The following USP10 variants were observed in gnomAD, a reference collection of about 807,000 sequenced individuals.
The protein encoded by USP10 is ubiquitin specific peptidase 10.
Under a neutral mutation model 84.5 loss-of-function variants are expected in USP10, and 22 were observed. The observed-to-expected ratio is 0.26, with a 90% CI of 0.19 to 0.37. USP10 has a LOEUF of 0.37. Ranked by LOEUF, USP10 falls within the 10% of genes least tolerant of loss-of-function variation. USP10 has a pLI of 1.00. For synonymous variants in USP10, 454 were observed against 387.6 expected (o/e 1.17, Z -2.01); for missense variants, 1,019 against 998.9 (o/e 1.02, Z -0.27).
At chr16:84,760,065 T>C in intron 7 of USP10, 107 bp from the exon 8 acceptor site, 1 of 1,518,118 alleles carries the variant, frequency 6.6e-7, no homozygotes, top group South Asian at 1.1e-5. Context: ...TATGCCATTC[T>C]CAACATTCAG....
chr16:84,753,438 G>A (rs986545773), intron 4 of USP10, among the ~76,000 whole-genome samples: 1 of 152,050 alleles, frequency 6.6e-6, no homozygotes, highest in African/African-American at 2.4e-5. Flanking sequence ...ATTTTCTAGG[G>A]GGGATTCTGA....
intron 3 of USP10, among the ~76,000 whole-genome samples, chr16:84,743,525 T>C (rs1018243567): frequency 6.6e-6 from 1 of 152,212 alleles, no homozygotes; most frequent in Non-Finnish European, 1.5e-5. Context: ...TCTTTGGGTA[T>C]TAGTTTCTTT....
intron 1 of USP10, among the ~76,000 whole-genome samples, chr16:84,731,770 A>C (rs571897906): frequency 7.0e-6 from 1 of 142,332 alleles, no homozygotes; most frequent in South Asian, 2.2e-4. Flanking sequence ...ATGATCTCTG[A>C]TAGCTCTTTT....
chr16:84,700,438 C>T (rs531920128), intron 1 of USP10, among the ~76,000 whole-genome samples: 2 of 151,894 alleles, frequency 1.3e-5, no homozygotes, highest in Non-Finnish European at 2.9e-5. Flanking sequence ...TGGAGTGGGG[C>T]CCTCCCCGCC....
At chr16:84,774,814 C>G (rs1319778507) in intron 12 of USP10, among the ~76,000 whole-genome samples, 4 of 152,142 alleles carry the variant, frequency 2.6e-5, no homozygotes, top group Non-Finnish European at 5.9e-5. Context: ...AATTTTAATT[C>G]TTGCCTTGGA....
intron 2 of USP10, among the ~76,000 whole-genome samples, chr16:84,735,196 G>GAT (rs1555541026): frequency 0.078 from 11,478 of 146,228 alleles, 556 homozygotes; most frequent in African/African-American, 0.11. Flanking sequence ...AGGCCCGGGT[G>GAT]GTGTGTGTGT....
intron 1 of USP10, among the ~76,000 whole-genome samples, chr16:84,721,668 A>G (rs990049011): frequency 9.2e-5 from 14 of 151,904 alleles, no homozygotes; most frequent in South Asian, 2.1e-4. Context: ...AACTGGGACT[A>G]CAGGCATGTG....
In USP10 at chr16:84,748,946, G is replaced by C. The variant is rs1362196528; in HGVS notation, c.1192+3273G>C. The stretch of plus-strand genomic sequence containing the variant: ...ACAGATTATTTTTTTAATCCTATTT[G>C]GTTAGGTCAGTTATGAAGATGTTTT... On this transcript the variant is annotated intron_variant, in intron 4 of 13. Coordinates refer to ENST00000219473, the MANE Select transcript of USP10 (RefSeq NM_005153.3). Among the ~76,000 whole-genome samples, 4 of 152,216 alleles carry C rather than the reference G, an allele frequency of 2.6e-5. No homozygotes were observed. The East Asian group carries it at 7.7e-4, about 29-fold the overall frequency.
chr16:84,741,582 C>T (rs1371243697), intron 3 of USP10, among the ~76,000 whole-genome samples: 1 of 152,144 alleles, frequency 6.6e-6, no homozygotes, highest in Non-Finnish European at 1.5e-5. Context: ...TTCTGCTTCC[C>T]CCTCCCTCCT....
chr16:84,734,278 T>A (rs1447965205), intron 2 of USP10, among the ~76,000 whole-genome samples: 1 of 152,184 alleles, frequency 6.6e-6, no homozygotes, highest in African/African-American at 2.4e-5. Flanking sequence ...AAAAAAATCT[T>A]GCTAACTCTT....
At chr16:84,735,530 T>C (rs1402100184) in intron 2 of USP10, among the ~76,000 whole-genome samples, 1 of 152,226 alleles carries the variant, frequency 6.6e-6, no homozygotes, top group Non-Finnish European at 1.5e-5. Flanking sequence ...CTCTTTCTTT[T>C]GTTTTTTAAA....
chr16:84,750,334 G>A (rs1428590307), intron 4 of USP10, among the ~76,000 whole-genome samples: 2 of 151,454 alleles, frequency 1.3e-5, no homozygotes, highest in South Asian at 4.2e-4. Context: ...CTTGAACCGG[G>A]GAGGTGGAGG....
intron 1 of USP10, among the ~76,000 whole-genome samples, chr16:84,731,471 T>C (rs1231855248): frequency 6.6e-6 from 1 of 152,214 alleles, no homozygotes; most frequent in Non-Finnish European, 1.5e-5. Context: ...ATCATTCTTG[T>C]ATTTCTCGAA....
chr16:84,777,969 A>G (rs925125405), intron 13 of USP10, among the ~76,000 whole-genome samples: 3 of 152,156 alleles, frequency 2.0e-5, no homozygotes, highest in African/African-American at 7.2e-5. Context: ...CCTCTGCTCC[A>G]TAGAAGTGGA....
chr16:84,769,209 C>T (rs565583038), intron 11 of USP10, among the ~76,000 whole-genome samples: 6 of 152,204 alleles, frequency 3.9e-5, no homozygotes, highest in South Asian at 2.1e-4. Flanking sequence ...GGTGCCCCAA[C>T]GTAGAAGACC....
At chr16:84,713,893 T>G (rs2150766672) in intron 1 of USP10, among the ~76,000 whole-genome samples, 1 of 152,366 alleles carries the variant, frequency 6.6e-6, no homozygotes, top group East Asian at 1.9e-4. Context: ...ACCTGGCGTG[T>G]GCCGTGTCGC....
intron 1 of USP10, among the ~76,000 whole-genome samples, chr16:84,731,007 ATCTC>A (rs1466675759): frequency 7.6e-6 from 1 of 130,986 alleles, no homozygotes; most frequent in Non-Finnish European, 1.6e-5. Context: ...TTGACACGGA[ATCTC>A]TCTCTGTCAG....
intron 2 of USP10, among the ~76,000 whole-genome samples, chr16:84,735,602 G>A (rs890382229): frequency 6.6e-6 from 1 of 152,118 alleles, no homozygotes; most frequent in African/African-American, 2.4e-5. Context: ...CTAATGTATG[G>A]TCCGATAACT....
At chr16:84,756,949 A>G (rs1195777201) in intron 4 of USP10, among the ~76,000 whole-genome samples, 1 of 152,222 alleles carries the variant, frequency 6.6e-6, no homozygotes, top group East Asian at 1.9e-4. Context: ...GAAGCCCCTT[A>G]TATATTGAGG....
Sources: gnomAD v4.1 joint callset for allele counts (sites outside exome capture counted in the v4.1 genomes callset) on GRCh38, gnomAD v4.1.1 for gene constraint, MANE v1.5 for transcripts, NCBI Gene and HGNC (gene_info 2026-07-23, HGNC 2026-07-21) for gene names.